SLCO1B3: variants seen among roughly 807,000 people sequenced by gnomAD.
SLCO1B3 encodes liver-specific organic anion transporter 2.
SLCO1B3 carries 72 observed loss-of-function variants against 71.8 expected under a neutral mutation model. That is an observed-to-expected ratio of 1.00 (90% CI 0.83 to 1.22). The LOEUF (loss-of-function observed/expected upper bound fraction) is 1.22. Ranked by LOEUF, SLCO1B3 falls within the 50% of genes most tolerant of loss-of-function variation. SLCO1B3 has a pLI of 0.00. For synonymous variants in SLCO1B3, 298 were observed against 278.4 expected (o/e 1.07, Z -0.70); for missense variants, 911 against 819.7 (o/e 1.11, Z -1.36).
At chr12:20,899,246 A>G (rs2120370352) in intron 14 of SLCO1B3, among the ~76,000 whole-genome samples, 1 of 152,312 alleles carries the variant, frequency 6.6e-6, no homozygotes, top group African/African-American at 2.4e-5. Context: ...TTGTTGTTAA[A>G]TAATGTCTAG....
At chr12:20,864,468 G>A (rs2121259612) in intron 8 of SLCO1B3, among the ~76,000 whole-genome samples, 1 of 152,272 alleles carries the variant, frequency 6.6e-6, no homozygotes, top group South Asian at 2.1e-4. Context: ...AGCCATTATT[G>A]TAGGCCAAGA....
chr12:20,872,792 T>C (rs913213226), intron 8 of SLCO1B3, among the ~76,000 whole-genome samples: 7 of 152,076 alleles, frequency 4.6e-5, no homozygotes, highest in African/African-American at 1.7e-4. Flanking sequence ...GAGCTGGTAT[T>C]AGAAAAAATA....
At chr12:20,913,105 G>A (rs1866417695) in intron 15 of SLCO1B3, among the ~76,000 whole-genome samples, 1 of 152,120 alleles carries the variant, frequency 6.6e-6, no homozygotes. Flanking sequence ...TATACTGTTG[G>A]TTGATAGTGT....
intron 13 of SLCO1B3, among the ~76,000 whole-genome samples, chr12:20,884,587 A>G (rs1865756165): frequency 6.6e-6 from 1 of 152,106 alleles, no homozygotes; most frequent in Admixed American, 6.6e-5. Context: ...GGGGAAGCAG[A>G]TAATGTGTGC....
chr12:20,847,441 C>T (rs559164778), intron 3 of SLCO1B3, among the ~76,000 whole-genome samples: 15 of 152,118 alleles, frequency 9.9e-5, no homozygotes, highest in Admixed American at 3.3e-4. Context: ...TGTGAGGGTA[C>T]GAGTAGAAGC....
intron 14 of SLCO1B3, among the ~76,000 whole-genome samples, chr12:20,899,101 T>C (rs1866076425): frequency 6.6e-6 from 1 of 152,184 alleles, no homozygotes; most frequent in African/African-American, 2.4e-5. Flanking sequence ...AAATTGTGGT[T>C]TATGGTGGCA....
chr12:20,812,962 T>A (rs1292066134), intron 1 of SLCO1B3, among the ~76,000 whole-genome samples: 1 of 152,078 alleles, frequency 6.6e-6, no homozygotes, highest in Non-Finnish European at 1.5e-5. Context: ...GTGGAAAAAG[T>A]GGTGTAAATT....
rs1407780718 is a variant in SLCO1B3, at chr12:20,888,305, A to C, written c.1682+4703A>C. 2.0e-5 allele frequency among the ~76,000 whole-genome samples: 3 copies of C among 151,984 alleles called. No homozygotes were observed. In the South Asian group the frequency reaches 6.2e-4, roughly 31 times the overall value. On this transcript the variant is annotated intron_variant, in intron 13 of 15. Transcript: ENST00000381545. The stretch of plus-strand genomic sequence containing the variant: ...TTTGGGCAGGATGGTCATTTTACAC[A>C]ATATTCATTATTCCAATTCATGAGC...
At chr12:20,857,190 C>T (rs907043269) in intron 4 of SLCO1B3, among the ~76,000 whole-genome samples, 1 of 152,108 alleles carries the variant, frequency 6.6e-6, no homozygotes, top group African/African-American at 2.4e-5. Context: ...TGATATGCAT[C>T]TCTTTTTTAT....
chr12:20,889,347 T>A (rs1865856630), intron 13 of SLCO1B3, among the ~76,000 whole-genome samples: 1 of 152,038 alleles, frequency 6.6e-6, no homozygotes, highest in Non-Finnish European at 1.5e-5. Flanking sequence ...ATCAGGAGAT[T>A]TTTTAATTAT....
intron 3 of SLCO1B3, among the ~76,000 whole-genome samples, chr12:20,847,617 G>A (rs4469945): frequency 0.72 from 109,779 of 151,636 alleles, 42,309 homozygotes; most frequent in South Asian, 0.9. Flanking sequence ...CCAAAGTTCA[G>A]TGGCAACCTT....
chr12:20,837,022 T>C (rs1864697846), intron 3 of SLCO1B3, among the ~76,000 whole-genome samples: 2 of 152,208 alleles, frequency 1.3e-5, no homozygotes, highest in Admixed American at 1.3e-4. Flanking sequence ...CATCAGTTTT[T>C]TCTTGTAGGA....
intron 3 of SLCO1B3, among the ~76,000 whole-genome samples, chr12:20,819,612 G>T (rs1864255714): frequency 6.6e-6 from 1 of 152,206 alleles, no homozygotes; most frequent in Non-Finnish European, 1.5e-5. Context: ...CATAGATCCT[G>T]AGCTAACTTG....
At chr12:20,911,714 G>T (rs527407991) in intron 15 of SLCO1B3, among the ~76,000 whole-genome samples, 1 of 152,076 alleles carries the variant, frequency 6.6e-6, no homozygotes, top group Non-Finnish European at 1.5e-5. Context: ...TATTAAAATT[G>T]GGGGCATGAT....
At chr12:20,827,118 T>G (rs1318254284) in intron 3 of SLCO1B3, among the ~76,000 whole-genome samples, 1 of 150,690 alleles carries the variant, frequency 6.6e-6, no homozygotes, top group African/African-American at 2.5e-5. Context: ...CAATGCATTA[T>G]TTTTACAAAA....
At chr12:20,914,153 T>C (rs1280104782) in intron 15 of SLCO1B3, among the ~76,000 whole-genome samples, 1 of 152,226 alleles carries the variant, frequency 6.6e-6, no homozygotes, top group Non-Finnish European at 1.5e-5. Context: ...TATTTGTTAC[T>C]ATTTTCTATT....
chr12:20,883,863 C>T (rs1167919583), intron 13 of SLCO1B3, among the ~76,000 whole-genome samples: 1 of 151,938 alleles, frequency 6.6e-6, no homozygotes, highest in African/African-American at 2.4e-5. Context: ...TGACAGTTGC[C>T]TTGATTGTAG....
chr12:20,868,436 A>T (rs1865413288), intron 8 of SLCO1B3, among the ~76,000 whole-genome samples: 2 of 152,064 alleles, frequency 1.3e-5, no homozygotes, highest in African/African-American at 4.8e-5. Context: ...GAGCTTACTC[A>T]TCTTGTATAA....
At chr12:20,893,188 A>G (rs531936872) in intron 13 of SLCO1B3, among the ~76,000 whole-genome samples, 1 of 152,316 alleles carries the variant, frequency 6.6e-6, no homozygotes, top group East Asian at 1.9e-4. Context: ...GGAGAATTTT[A>G]AAAGTGGGTA....
Sources: gnomAD v4.1 joint callset for allele counts (sites outside exome capture counted in the v4.1 genomes callset) on GRCh38, gnomAD v4.1.1 for gene constraint, MANE v1.5 for transcripts, NCBI Gene and HGNC (gene_info 2026-07-23, HGNC 2026-07-21) for gene names.